CCDC40: variants seen among roughly 807,000 people sequenced by gnomAD.
The protein encoded by CCDC40 is coiled-coil domain 40 molecular ruler complex subunit, also known as coiled-coil domain-containing protein 40.
A neutral mutation model predicts 124.5 loss-of-function variants in CCDC40; 104 were observed. That is an observed-to-expected ratio of 0.84 (90% confidence interval 0.71 to 0.98). The LOEUF (loss-of-function observed/expected upper bound fraction) is 0.98, where lower values mean the gene tolerates loss of function less well. Among genes scored for constraint, CCDC40 ranks in the 50% least tolerant of loss-of-function variants. The pLI, the probability that CCDC40 is intolerant of heterozygous loss-of-function variation, is 0.00. For synonymous variants in CCDC40, 580 were observed against 602.9 expected, an observed-to-expected ratio of 0.96 and a Z score of 0.56; for missense variants, 1,463 against 1,503.9, an observed-to-expected ratio of 0.97 and a Z score of 0.45.
In CCDC40 at chr17:80,046,551, A is replaced by G. The variant is rs189479037; in HGVS notation, c.553-728A>G. On this transcript the variant is annotated intron_variant, in intron 3 of 19. Transcript: ENST00000397545. ...CTTACTCAATAATAATAATAATAAT[A>G]ATAATAAAAGAGTGGTTTCTGCGTG... Among the ~76,000 whole-genome samples the G allele has an allele frequency of 3.9e-3, 590 of 151,536 alleles. 3 individuals carry two copies. Among genetic ancestry groups the G allele is most frequent in the African/African-American group, 0.013 (541 of 41,206 alleles).
chr17:80,090,067 C>CG, intron 17 of CCDC40, 183 bp downstream of exon 17: 1 of 1,537,022 alleles, frequency 6.5e-7, no homozygotes, highest in Non-Finnish European at 8.7e-7. Flanking sequence ...GACCTGCACT[C>CG]CAGCCGAGCA....
Position 80,081,705 on chromosome 17 carries a change from C to G in CCDC40, c.1722C>G (p.Thr574=). Residue 574 remains threonine (T), a synonymous_variant, in exon 11 of 20, where the codon ACC becomes ACG. Coordinates refer to ENST00000397545, the MANE Select transcript of CCDC40 (RefSeq NM_017950.4). ...AGAAGCTCACCACCCAGTGCCTGACCAAGCAGGTGGCCCTGCAGAGCCAGT... is the reference window on the plus strand; with the variant it reads ...AGAAGCTCACCACCCAGTGCCTGACGAAGCAGGTGGCCCTGCAGAGCCAGT... ...LLQKLTTQCL[T]KQVALQSQFN... is the part of the protein sequence containing the mutation. 6.2e-7 allele frequency: 1 copy of G among 1,614,186 alleles called. No individual in the cohort carries two copies. The highest frequency in any genetic ancestry group is 8.5e-7 in the Non-Finnish European group (1 of 1,180,038).
chr17:80,059,101 T>A (rs1177526483), intron 9 of CCDC40, 121 bp downstream of exon 9: 1 of 1,291,964 alleles, frequency 7.7e-7, no homozygotes, highest in Non-Finnish European at 1.1e-6. Context: ...GCAGCCAGCT[T>A]ACATCTGCAA....
chr17:80,081,350 A>G lies in CCDC40; in HGVS notation c.1563-196A>G. ...CAGTGAACCGAGATCGCACCACTGT[A>G]TTTCAGCCTGGGTTACAGAGTGAGA... On this transcript the variant is annotated intron_variant, in intron 10 of 19. Coordinates refer to ENST00000397545, the MANE Select transcript of CCDC40 (RefSeq NM_017950.4). 6.3e-6 allele frequency: 2 copies of G among 315,538 alleles called. 1 individual carries two copies. The highest frequency in any genetic ancestry group is 1.1e-4 in the East Asian group (2 of 18,880). 19.5% of individuals were successfully genotyped at this position (315,538 alleles called of 1,614,324 possible).
At chr17:80,090,558 G>A in intron 17 of CCDC40, 2 of 1,508,584 alleles carry the variant, frequency 1.3e-6, no homozygotes, top group African/African-American at 1.4e-5. Context: ...ATTTTTAAAT[G>A]CCGGTTGTAA....
In CCDC40 at chr17:80,037,688, A is replaced by AGATATAT. The variant is rs1555889124; in HGVS notation, c.30-435_30-434insGATATAT. ...AGCTTGAATCTTTAATTTTTTAAAA[A>AGATATAT]AGATATACATATATATATATATATA... On this transcript the variant is annotated intron_variant, in intron 1 of 19. Coordinates refer to ENST00000397545, the MANE Select transcript of CCDC40 (RefSeq NM_017950.4). Among the ~76,000 whole-genome samples the AGATATAT allele has an allele frequency of 4.6e-3, 211 of 45,682 alleles. 1 individual carries two copies. Among genetic ancestry groups the AGATATAT allele is most frequent in the African/African-American group, 0.012 (199 of 16,948 alleles). 30.0% of individuals were successfully genotyped at this position (45,682 alleles called of 152,430 possible).
In CCDC40 at chr17:80,099,838, G is replaced by A; in HGVS notation, c.*63G>A. ...AGAGATCCGGAATTGTGTTTGTCAT[G>A]AGGGACTTGGAATCTTTTGTGTTCC... On this transcript the variant is annotated 3_prime_UTR_variant, in exon 20 of 20. Transcript: ENST00000397545. 1 of 1,578,384 alleles carries A rather than the reference G, an allele frequency of 6.3e-7. No individual in the cohort carries two copies. Among genetic ancestry groups the A allele is most frequent in the Admixed American group, 1.7e-5 (1 of 59,140 alleles).
chr17:80,067,266 T>G (rs2038069081), intron 10 of CCDC40: 1 of 487,890 alleles, frequency 2.0e-6, no homozygotes, highest in Non-Finnish European at 3.7e-6. Context: ...ATGGCTTCCT[T>G]TTGGTTGCAA....
intron 3 of CCDC40, 93 bp downstream of exon 3, chr17:80,040,363 C>A: frequency 8.4e-7 from 1 of 1,196,420 alleles, no homozygotes; most frequent in Non-Finnish European, 1.2e-6. Context: ...ATTATAAATA[C>A]AAATTGCAAT....
intron 10 of CCDC40, among the ~76,000 whole-genome samples, chr17:80,079,561 C>G (rs1479584791): frequency 6.6e-6 from 1 of 152,206 alleles, no homozygotes; most frequent in East Asian, 1.9e-4. Context: ...ATAATGAGGC[C>G]CTTTCCTGTT....
At chr17:80,051,792 G>A (rs1270642964) in intron 7 of CCDC40, among the ~76,000 whole-genome samples, 3 of 152,238 alleles carry the variant, frequency 2.0e-5, no homozygotes, top group African/African-American at 7.2e-5. Context: ...GAGGACGCGT[G>A]CCCCTAACTG....
intron 10 of CCDC40, chr17:80,067,831 A>T (rs1434652660): frequency 7.0e-7 from 1 of 1,426,960 alleles, no homozygotes; most frequent in Non-Finnish European, 9.1e-7. Context: ...ATGTTGTCAC[A>T]CTTCAGGACT....
At chr17:80,064,335 C>A (rs34629435) in intron 9 of CCDC40, among the ~76,000 whole-genome samples, 16,509 of 152,178 alleles carry the variant, frequency 0.11, 1,184 homozygotes, top group East Asian at 0.25. Flanking sequence ...TGGCGTTCTA[C>A]AGGACGCCCC....
rs748943374 is a variant in CCDC40 at position 80,081,652 on chromosome 17, C to T, written c.1669C>T (p.Arg557Trp). 5.7e-5 allele frequency: 92 copies of T among 1,614,060 alleles called. No individual in the cohort carries two copies. The highest frequency in any genetic ancestry group is 1.3e-4 in the East Asian group (6 of 44,892). ...CGAGAAGCTGGCGAGCATCCTGAAC[C>T]GGACAGAGACGGAAGCCACACTGCT... is the stretch of plus-strand genomic sequence containing the variant. ...KNEKLASILN[R>W]TETEATLLQK... The change falls in exon 11 of 20, where the codon CGG becomes TGG. Residue 557 changes from arginine (R) to tryptophan (W), a missense_variant. Arg to Trp is a moderately radical substitution (Grantham distance 101, BLOSUM62 -3). Coordinates refer to ENST00000397545, the MANE Select transcript of CCDC40 (RefSeq NM_017950.4).
rs1567819545 is a variant in CCDC40, at chr17:80,099,529, C to T, written c.3183C>T (p.Asn1061=). The change falls in exon 20 of 20, where the codon AAC becomes AAT. Residue 1061 remains asparagine, a splice_region_variant and synonymous_variant. Coordinates refer to ENST00000397545, the MANE Select transcript of CCDC40 (RefSeq NM_017950.4). ...ATGGAGTCTCTTTTCCTACCCAGAA[C>T]CTTTCAGAGATCGTGGCCCTGCAGA... ...LTRLGALKRQ[N]LSEIVALQTR... 2.5e-6 allele frequency: 4 copies of T among 1,608,162 alleles called. No homozygotes were observed. The East Asian group carries it at 6.7e-5, about 27-fold the overall frequency.
chr17:80,095,020 C>T (rs967842023), intron 17 of CCDC40, among the ~76,000 whole-genome samples: 3 of 152,258 alleles, frequency 2.0e-5, no homozygotes, highest in Non-Finnish European at 4.4e-5. Flanking sequence ...TCTCACATCT[C>T]CTTGGTGGCC....
At chr17:80,097,945 GAAAAGAAAAA>G in intron 19 of CCDC40, 1 of 151,688 alleles carries the variant, frequency 6.6e-6, no homozygotes, top group Non-Finnish European at 1.4e-5. Context: ...GAAAAGAAAA[GAAAAGAAAAA>G]GGGAAATGGT....
At chr17:80,088,128 TG>T (rs2038629089) in intron 16 of CCDC40, 26 bp downstream of exon 16, 1 of 1,557,960 alleles carries the variant, frequency 6.4e-7, no homozygotes, top group African/African-American at 1.4e-5. Flanking sequence ...CAGCCACACG[TG>T]GGTCATGAAG....
intron 17 of CCDC40, among the ~76,000 whole-genome samples, chr17:80,093,183 C>A (rs1020952532): frequency 1.3e-5 from 2 of 152,126 alleles, no homozygotes; most frequent in Admixed American, 6.5e-5. Context: ...ATTCCTCCGA[C>A]TTCCTTTTTT....
Sources: allele counts gnomAD v4.1 joint callset (sites outside exome capture counted in the v4.1 genomes callset), GRCh38; gene constraint gnomAD v4.1.1; transcripts MANE v1.5; gene names NCBI Gene and HGNC (gene_info 2026-07-23, HGNC 2026-07-21).